ITFG1: variants seen among roughly 807,000 people sequenced by gnomAD.
The protein encoded by ITFG1 is integrin alpha FG-GAP repeat containing 1, also known as T-cell immunomodulatory protein.
In ITFG1, 34 loss-of-function variants were observed where a neutral mutation model predicts 81.8. The ratio of observed to expected loss-of-function variants is 0.42; its 90% CI spans 0.32 to 0.55. The LOEUF (loss-of-function observed/expected upper bound fraction) is 0.55. ITFG1 is among the 20% of genes least tolerant of loss of function. ITFG1 has a pLI of 0.17. For missense variants in ITFG1, 672 were observed against 755.4 expected (o/e 0.89, Z 1.29); for synonymous variants, 285 against 270.6 (o/e 1.05, Z -0.52).
intron 14 of ITFG1, among the ~76,000 whole-genome samples, chr16:47,208,441 A>G (rs1256150931): frequency 6.6e-6 from 1 of 152,208 alleles, no homozygotes; most frequent in Non-Finnish European, 1.5e-5. Flanking sequence ...TAAGCCTCAT[A>G]TATCTTTCCA....
chr16:47,236,474 CAAAAAAA>C (rs68028486), intron 13 of ITFG1, among the ~76,000 whole-genome samples: 1 of 52,282 alleles, frequency 1.9e-5, no homozygotes, highest in South Asian at 6.5e-4. Flanking sequence ...GACTCCATCT[CAAAAAAA>C]AAAAAAAAAA....
At chr16:47,173,832 G>C (rs1266225853) in intron 14 of ITFG1, among the ~76,000 whole-genome samples, 13 of 152,204 alleles carry the variant, frequency 8.5e-5, no homozygotes, top group Non-Finnish European at 1.6e-4. Flanking sequence ...CTTGAGGTCA[G>C]GAGTTCGAGA....
intron 8 of ITFG1, among the ~76,000 whole-genome samples, chr16:47,325,546 GA>G: frequency 1.3e-5 from 2 of 151,990 alleles, no homozygotes; most frequent in Middle Eastern, 6.8e-3. Flanking sequence ...CTGGTTTTTT[GA>G]AAAGATCAAC....
intron 8 of ITFG1, chr16:47,317,876 G>C (rs774032360): frequency 1.3e-5 from 2 of 152,160 alleles, no homozygotes; most frequent in African/African-American, 2.4e-5. Flanking sequence ...CCAGCCTCTT[G>C]GGACTCCAGG....
intron 10 of ITFG1, among the ~76,000 whole-genome samples, chr16:47,304,959 C>T (rs982746660): frequency 6.6e-6 from 1 of 152,106 alleles, no homozygotes; most frequent in Non-Finnish European, 1.5e-5. Context: ...TTAAGAAATA[C>T]AAAAGTTAAC....
Position 47,351,583 on chromosome 16 carries a change from C to G in ITFG1, c.802+14205G>C, listed in dbSNP as rs1192115185. Among the ~76,000 whole-genome samples the G allele has an allele frequency of 2.6e-5, 4 of 152,312 alleles. 1 individual carries two copies. Among genetic ancestry groups the G allele is most frequent in the Admixed American group, 2.0e-4 (3 of 15,304 alleles). ...AAGAGGACACAAACAAATGGAAGAACATTCCATGCTCATGGATAGGAAGAA... is the reference window on the plus strand; with the variant it reads ...AAGAGGACACAAACAAATGGAAGAAGATTCCATGCTCATGGATAGGAAGAA... On this transcript the variant is annotated intron_variant, in intron 8 of 17. Coordinates refer to ENST00000320640, the MANE Select transcript of ITFG1 (RefSeq NM_030790.5).
chr16:47,327,352 GACCTAAA>G (rs1448772371), intron 8 of ITFG1, among the ~76,000 whole-genome samples: 1 of 152,092 alleles, frequency 6.6e-6, no homozygotes, highest in African/African-American at 2.4e-5. Flanking sequence ...TTACATGTTA[GACCTAAA>G]ACCATAAAAA....
chr16:47,264,565 C>T (rs1966252767), intron 10 of ITFG1, among the ~76,000 whole-genome samples: 1 of 151,356 alleles, frequency 6.6e-6, no homozygotes, highest in Non-Finnish European at 1.5e-5. Context: ...CACACACACA[C>T]ACACACACAC....
intron 5 of ITFG1, among the ~76,000 whole-genome samples, chr16:47,436,061 A>T (rs1172562314): frequency 2.0e-5 from 3 of 152,136 alleles, no homozygotes; most frequent in African/African-American, 7.2e-5. Flanking sequence ...CAGAAATTGT[A>T]CATCTTTCCC....
intron 14 of ITFG1, among the ~76,000 whole-genome samples, chr16:47,188,695 C>T (rs1454605118): frequency 6.6e-6 from 1 of 150,976 alleles, no homozygotes; most frequent in Non-Finnish European, 1.5e-5. Context: ...GGGTGCAGCG[C>T]ATCAGCATGT....
chr16:47,302,352 CCT>C (rs1206233493), intron 10 of ITFG1, among the ~76,000 whole-genome samples: 1 of 151,790 alleles, frequency 6.6e-6, no homozygotes, highest in African/African-American at 2.4e-5. Context: ...GAGGAAAAGA[CCT>C]CTTCTTTAGG....
intron 8 of ITFG1, among the ~76,000 whole-genome samples, chr16:47,314,746 T>C (rs1209061732): frequency 6.6e-6 from 1 of 152,196 alleles, no homozygotes; most frequent in Non-Finnish European, 1.5e-5. Context: ...AATTTGGGGA[T>C]TGATTTTGTA....
intron 13 of ITFG1, among the ~76,000 whole-genome samples, chr16:47,219,240 T>C (rs1168448266): frequency 6.6e-6 from 1 of 152,174 alleles, no homozygotes; most frequent in African/African-American, 2.4e-5. Flanking sequence ...AGACCAAATA[T>C]TCTGTTGAAT....
chr16:47,334,841 T>C (rs935718434), intron 8 of ITFG1, among the ~76,000 whole-genome samples: 4 of 152,088 alleles, frequency 2.6e-5, no homozygotes, highest in African/African-American at 9.7e-5. Flanking sequence ...ATGAGAAAAA[T>C]TTTTTTGTTA....
At chr16:47,422,603 T>C (rs1968965370) in intron 6 of ITFG1, among the ~76,000 whole-genome samples, 1 of 152,320 alleles carries the variant, frequency 6.6e-6, no homozygotes, top group Non-Finnish European at 1.5e-5. Context: ...AGAATTCGGC[T>C]GTGAGTCCGT....
chr16:47,455,121 C>T (rs1393523450), intron 2 of ITFG1, among the ~76,000 whole-genome samples: 1 of 152,142 alleles, frequency 6.6e-6, no homozygotes, highest in Non-Finnish European at 1.5e-5. Flanking sequence ...TTAACCCTTG[C>T]CCACAGCTCT....
intron 5 of ITFG1, chr16:47,449,491 T>C (rs936703141): frequency 6.6e-6 from 1 of 152,248 alleles, no homozygotes; most frequent in African/African-American, 2.4e-5. Context: ...AACCATGATA[T>C]TGTTAGACTA....
chr16:47,377,649 C>G (rs1968343945), intron 6 of ITFG1, among the ~76,000 whole-genome samples: 2 of 152,132 alleles, frequency 1.3e-5, no homozygotes, highest in Non-Finnish European at 2.9e-5. Flanking sequence ...CTGAAATGTC[C>G]TCTTCCTTCT....
chr16:47,231,651 T>C (rs1051674655), intron 13 of ITFG1, among the ~76,000 whole-genome samples: 4 of 152,362 alleles, frequency 2.6e-5, no homozygotes, highest in East Asian at 3.9e-4. Flanking sequence ...AGGGATGTTA[T>C]AGAGGCAGGG....
Sources: allele counts gnomAD v4.1 joint callset (sites outside exome capture counted in the v4.1 genomes callset), GRCh38; gene constraint gnomAD v4.1.1; transcripts MANE v1.5; gene names NCBI Gene and HGNC (gene_info 2026-07-23, HGNC 2026-07-21).